The following LRRC37A2 variants were observed in gnomAD, a reference collection of about 807,000 sequenced individuals.
LRRC37A2 encodes the protein leucine-rich repeat-containing protein 37A2.
LRRC37A2 carries 9 observed loss-of-function variants against 68.8 expected under a neutral mutation model. That is an observed-to-expected ratio of 0.13 (90% CI 0.08 to 0.23). The LOEUF is 0.23. LRRC37A2 is among the 10% of genes least tolerant of loss of function. The pLI, the probability that LRRC37A2 is intolerant of heterozygous loss-of-function variation, is 1.00. For synonymous variants in LRRC37A2, 63 were observed against 367.6 expected, an observed-to-expected ratio of 0.17 and a Z score of 9.48; for missense variants, 168 against 950.4, an observed-to-expected ratio of 0.18 and a Z score of 10.82.
At chr17:46,583,808 T>C in the LRRC37A2 span, among the ~76,000 whole-genome samples, 1 of 72,568 alleles carries the variant, frequency 1.4e-5, no homozygotes, top group East Asian at 2.4e-4. Flanking sequence ...ACTTCTTGCA[T>C]GACTCAGCTT....
chr17:46,818,872 T>G, the LRRC37A2 span: 1 of 506,728 alleles, frequency 2.0e-6, no homozygotes, highest in Non-Finnish European at 3.5e-6. Context: ...GGCCCACAAC[T>G]CGGGCTCCGG....
the LRRC37A2 span, chr17:47,019,626 C>T: frequency 2.4e-5 from 34 of 1,436,160 alleles, 1 homozygote; most frequent in Admixed American, 3.2e-4. Flanking sequence ...AAGTTACATC[C>T]AAGATAAGGC....
the LRRC37A2 span, among the ~76,000 whole-genome samples, chr17:46,867,698 G>A: frequency 2.6e-5 from 4 of 151,762 alleles, no homozygotes; most frequent in East Asian, 7.7e-4. Flanking sequence ...AATTGTGGGT[G>A]GGGTGTGTGT....
At chr17:46,896,424 A>AAG in the LRRC37A2 span, among the ~76,000 whole-genome samples, 164 of 82,828 alleles carry the variant, frequency 2.0e-3, 1 homozygote, top group Admixed American at 0.013. Context: ...GAAAGAAAGA[A>AAG]AGAAAGAAAG....
the LRRC37A2 span, among the ~76,000 whole-genome samples, chr17:46,900,168 C>CATATATATAT: frequency 3.3e-4 from 21 of 64,048 alleles, no homozygotes; most frequent in South Asian, 1.2e-3. Context: ...TATACATATA[C>CATATATATAT]ATATATATAT....
the LRRC37A2 span, among the ~76,000 whole-genome samples, chr17:46,772,650 T>C: frequency 6.6e-6 from 1 of 152,212 alleles, no homozygotes; most frequent in African/African-American, 2.4e-5. Context: ...ATTTGCTAAT[T>C]ACCCTCCTGT....
the LRRC37A2 span, among the ~76,000 whole-genome samples, chr17:46,861,337 T>C: frequency 6.6e-6 from 1 of 152,208 alleles, no homozygotes; most frequent in Non-Finnish European, 1.5e-5. Flanking sequence ...CCACAGTCTC[T>C]AGCAGTGCTC....
the LRRC37A2 span, among the ~76,000 whole-genome samples, chr17:47,036,932 T>C: frequency 0.86 from 58,025 of 67,262 alleles, 26,104 homozygotes; most frequent in East Asian, 0.99. Flanking sequence ...TCAACCCAAA[T>C]GCCCAACCTA....
chr17:46,923,127 A>AG, the LRRC37A2 span: 58 of 1,125,198 alleles, frequency 5.2e-5, no homozygotes, highest in Non-Finnish European at 7.2e-5. Flanking sequence ...GGAAACCGGA[A>AG]GGGGGGCTGT....
the LRRC37A2 span, among the ~76,000 whole-genome samples, chr17:46,891,918 CTTT>C: frequency 1.4e-5 from 1 of 71,810 alleles, no homozygotes; most frequent in African/African-American, 5.4e-5. Context: ...CTTTTCTTTT[CTTT>C]TTTTTTTTTT....
chr17:46,697,215 CT>C, the LRRC37A2 span, among the ~76,000 whole-genome samples: 9 of 122,114 alleles, frequency 7.4e-5, no homozygotes, highest in African/African-American at 1.4e-4. Flanking sequence ...AATTATTTTT[CT>C]TTTTTTTTTT....
At chr17:46,724,418 G>A in the LRRC37A2 span, among the ~76,000 whole-genome samples, 20,199 of 152,152 alleles carry the variant, frequency 0.13, 1,834 homozygotes, top group Non-Finnish European at 0.2. Flanking sequence ...TAGAGGCCCC[G>A]CCTTACATCT....
the LRRC37A2 span, among the ~76,000 whole-genome samples, chr17:46,903,107 C>T: frequency 2.6e-5 from 4 of 152,128 alleles, no homozygotes; most frequent in Admixed American, 2.6e-4. Context: ...CATGGTGAAA[C>T]CCCATCTCTA....
chr17:46,892,467 A>G, the LRRC37A2 span, among the ~76,000 whole-genome samples: 1 of 151,744 alleles, frequency 6.6e-6, no homozygotes, highest in Admixed American at 6.6e-5. Flanking sequence ...TGTCCATCCA[A>G]CTCACTCCTG....
At chr17:47,027,169 C>T in the LRRC37A2 span, among the ~76,000 whole-genome samples, 82 of 152,138 alleles carry the variant, frequency 5.4e-4, no homozygotes, top group African/African-American at 1.8e-3. Flanking sequence ...CCTCGGCCTC[C>T]GAAAGTGCTG....
the LRRC37A2 span, among the ~76,000 whole-genome samples, chr17:46,895,490 T>C: frequency 2.0e-5 from 3 of 152,168 alleles, no homozygotes; most frequent in Non-Finnish European, 2.9e-5. Context: ...GATGTGAAGA[T>C]TGAGATGATG....
the LRRC37A2 span, among the ~76,000 whole-genome samples, chr17:46,823,372 G>A: frequency 1.3e-5 from 2 of 149,990 alleles, no homozygotes; most frequent in South Asian, 2.1e-4. Flanking sequence ...CCGCCACCAC[G>A]CCTGACTAAT....
At chr17:46,754,597 C>T in the LRRC37A2 span, among the ~76,000 whole-genome samples, 1 of 152,202 alleles carries the variant, frequency 6.6e-6, no homozygotes, top group Non-Finnish European at 1.5e-5. Flanking sequence ...GAATAAAGTA[C>T]ATTTAACGAG....
chr17:46,497,574 GC>G, the LRRC37A2 span, among the ~76,000 whole-genome samples: 12,168 of 137,468 alleles, frequency 0.089, 7 homozygotes, highest in Non-Finnish European at 0.13. Flanking sequence ...CTTTATTCTA[GC>G]CCCCCCTTAT....
Sources: allele counts gnomAD v4.1 joint callset (sites outside exome capture counted in the v4.1 genomes callset), GRCh38; gene constraint gnomAD v4.1.1; transcripts MANE v1.5; gene names NCBI Gene and HGNC (gene_info 2026-07-23, HGNC 2026-07-21).